The following SYNPR variants were observed in gnomAD, a reference collection of about 807,000 sequenced individuals.
The protein encoded by SYNPR is synaptoporin.
Under a neutral mutation model 32.9 loss-of-function variants are expected in SYNPR, and 23 were observed. The observed-to-expected ratio is 0.70, with a 90% CI of 0.50 to 0.99. SYNPR has a LOEUF of 0.99. Ranked by LOEUF, SYNPR falls within the 50% of genes least tolerant of loss-of-function variation. The pLI, the probability that SYNPR is intolerant of heterozygous loss-of-function variation, is 0.00. For synonymous variants in SYNPR, 146 were observed against 135.9 expected (o/e 1.07, Z -0.52); for missense variants, 318 against 349.3 (o/e 0.91, Z 0.71).
intron 3 of SYNPR, among the ~76,000 whole-genome samples, chr3:63,530,189 CT>C (rs1308726214): frequency 3.3e-5 from 5 of 152,128 alleles, no homozygotes; most frequent in Non-Finnish European, 7.4e-5. Context: ...CTTTTTCCTG[CT>C]TTTTGAACAA....
chr3:63,481,554 T>C (rs1342629725), intron 3 of SYNPR, among the ~76,000 whole-genome samples: 2 of 152,078 alleles, frequency 1.3e-5, no homozygotes, highest in East Asian at 3.9e-4. Flanking sequence ...AGACGTAGCA[T>C]TGATACCAAT....
At chr3:63,552,087 G>A (rs369448723) in intron 3 of SYNPR, among the ~76,000 whole-genome samples, 6 of 151,924 alleles carry the variant, frequency 3.9e-5, no homozygotes, top group South Asian at 2.1e-4. Flanking sequence ...TAATAGAGAC[G>A]AGGTTTCACC....
chr3:63,580,620 G>A (rs1054433647), intron 4 of SYNPR, among the ~76,000 whole-genome samples: 1 of 152,094 alleles, frequency 6.6e-6, no homozygotes, highest in African/African-American at 2.4e-5. Context: ...CAGTTAGTGA[G>A]TCTCTGGTTA....
At chr3:63,237,067 G>A (rs2086205886) in intron 1 of SYNPR, among the ~76,000 whole-genome samples, 1 of 152,006 alleles carries the variant, frequency 6.6e-6, no homozygotes, top group Non-Finnish European at 1.5e-5. Context: ...ATTATAAATG[G>A]GTTAGGTTTT....
At chr3:63,400,093 A>G (rs1367980434) in intron 2 of SYNPR, among the ~76,000 whole-genome samples, 2 of 152,222 alleles carry the variant, frequency 1.3e-5, no homozygotes, top group Admixed American at 6.5e-5. Context: ...CTCATGACCT[A>G]TAGATGCACA....
At chr3:63,233,198 T>C (rs2086178394) in intron 1 of SYNPR, among the ~76,000 whole-genome samples, 1 of 152,154 alleles carries the variant, frequency 6.6e-6, no homozygotes, top group African/African-American at 2.4e-5. Context: ...AGCCCAAATA[T>C]CTGTATGGTT....
chr3:63,434,877 A>G (rs1700053365), intron 2 of SYNPR, among the ~76,000 whole-genome samples: 1 of 152,236 alleles, frequency 6.6e-6, no homozygotes, highest in Non-Finnish European at 1.5e-5. Context: ...CTCTTCTTTA[A>G]TAATAAGCAA....
intron 2 of SYNPR, among the ~76,000 whole-genome samples, chr3:63,264,979 G>A (rs1575580228): frequency 6.6e-6 from 1 of 151,988 alleles, no homozygotes; most frequent in Non-Finnish European, 1.5e-5. Context: ...GACACGTGGG[G>A]ATTATGGGGA....
At chr3:63,524,852 C>CGT (rs1559526050) in intron 3 of SYNPR, among the ~76,000 whole-genome samples, 38 of 62,162 alleles carry the variant, frequency 6.1e-4, no homozygotes, top group African/African-American at 1.5e-3. Context: ...TGTGTGTGTG[C>CGT]ATGTGTGTGT....
At chr3:63,332,746 G>C (rs1386567224) in intron 2 of SYNPR, among the ~76,000 whole-genome samples, 1 of 152,152 alleles carries the variant, frequency 6.6e-6, no homozygotes, top group Non-Finnish European at 1.5e-5. Flanking sequence ...CTTCCCCAAA[G>C]TCACCCAGCT....
intron 2 of SYNPR, among the ~76,000 whole-genome samples, chr3:63,439,326 A>G (rs570555539): frequency 6.6e-6 from 1 of 152,342 alleles, no homozygotes; most frequent in East Asian, 1.9e-4. Flanking sequence ...TGATAATCTA[A>G]TAATGGATAA....
At chr3:63,456,970 G>A (rs1700494507) in intron 2 of SYNPR, among the ~76,000 whole-genome samples, 2 of 152,096 alleles carry the variant, frequency 1.3e-5, no homozygotes, top group African/African-American at 4.8e-5. Flanking sequence ...GTCCAGAGAA[G>A]CTCTCCTCTT....
chr3:63,444,064 G>T (rs954764609), intron 2 of SYNPR, among the ~76,000 whole-genome samples: 2 of 152,192 alleles, frequency 1.3e-5, no homozygotes, highest in African/African-American at 4.8e-5. Flanking sequence ...AGCATGCCAT[G>T]AAAAGCTACA....
At chr3:63,205,096 T>C in the SYNPR span, among the ~76,000 whole-genome samples, 2 of 152,242 alleles carry the variant, frequency 1.3e-5, no homozygotes, top group Admixed American at 1.3e-4. Context: ...TTTTGTAGCA[T>C]CCCCCAAATT....
At chr3:63,495,270 G>C (rs1476420874) in intron 3 of SYNPR, among the ~76,000 whole-genome samples, 1 of 152,216 alleles carries the variant, frequency 6.6e-6, no homozygotes, top group Non-Finnish European at 1.5e-5. Flanking sequence ...ATTCCAAAGG[G>C]TTTAATGCTA....
Position 63,520,546 on chromosome 3 carries a change from G to A in SYNPR, c.210-35997G>A, listed in dbSNP as rs376891347. ...AAATTAGCCAGGCGTGATGGCACGC[G>A]CCTGTAATCCCAGCTACTGAGGAGG... On this transcript the variant is annotated intron_variant, in intron 3 of 5. Coordinates refer to ENST00000478300, the MANE Select transcript of SYNPR (RefSeq NM_001130003.2). Among the ~76,000 whole-genome samples the A allele has an allele frequency of 6.6e-5, 10 of 152,168 alleles. No homozygotes were observed. In the South Asian group the frequency reaches 8.3e-4, roughly 13 times the overall value.
intron 4 of SYNPR, among the ~76,000 whole-genome samples, chr3:63,595,840 T>G (rs1643655945): frequency 1.3e-5 from 1 of 77,486 alleles, no homozygotes; most frequent in East Asian, 4.3e-4. Flanking sequence ...TAGTTATATA[T>G]ATAGTTTTAT....
intron 2 of SYNPR, among the ~76,000 whole-genome samples, chr3:63,261,017 T>G (rs1461392455): frequency 6.6e-6 from 1 of 152,168 alleles, no homozygotes; most frequent in Non-Finnish European, 1.5e-5. Context: ...CACAATGAGA[T>G]ACCATCTCAC....
At chr3:63,440,248 C>T (rs987505565) in intron 2 of SYNPR, among the ~76,000 whole-genome samples, 4 of 151,940 alleles carry the variant, frequency 2.6e-5, no homozygotes, top group Non-Finnish European at 4.4e-5. Context: ...GAATAGCTAG[C>T]GCAAAGGCAT....
Sources: allele counts gnomAD v4.1 joint callset (sites outside exome capture counted in the v4.1 genomes callset), GRCh38; gene constraint gnomAD v4.1.1; transcripts MANE v1.5; gene names NCBI Gene and HGNC (gene_info 2026-07-23, HGNC 2026-07-21).